Variants in LRRC4C observed in about 807,000 individuals in gnomAD.
The protein encoded by LRRC4C is leucine rich repeat containing 4C.
Under a neutral mutation model 33.6 loss-of-function variants are expected in LRRC4C, and 5 were observed. The ratio of observed to expected loss-of-function variants is 0.15; its 90% CI spans 0.08 to 0.31. The LOEUF (loss-of-function observed/expected upper bound fraction) is 0.31. Ranked by LOEUF, LRRC4C falls within the 10% of genes least tolerant of loss-of-function variation. The pLI is 1.00. For synonymous variants in LRRC4C, 329 were observed against 302.0 expected (o/e 1.09, Z -0.93); for missense variants, 560 against 796.7 (o/e 0.70, Z 3.58).
chr11:40,738,274 T>C (rs1947985707), intron 2 of LRRC4C, among the ~76,000 whole-genome samples: 1 of 152,078 alleles, frequency 6.6e-6, no homozygotes, highest in South Asian at 2.1e-4. Flanking sequence ...TTCTGAGGCT[T>C]TCAGACTTGG....
At chr11:40,778,322 A>C (rs1198860790) in intron 2 of LRRC4C, among the ~76,000 whole-genome samples, 1 of 152,220 alleles carries the variant, frequency 6.6e-6, no homozygotes, top group Non-Finnish European at 1.5e-5. Flanking sequence ...GGCTAAGCAC[A>C]GATTCACTTA....
Position 41,015,518 on chromosome 11 carries a change from T to C in LRRC4C, c.-495-81795A>G, listed in dbSNP as rs531005362. Among the ~76,000 whole-genome samples the C allele has an allele frequency of 1.1e-4, 16 of 152,168 alleles. No individual in the cohort carries two copies. In the East Asian group the frequency reaches 2.7e-3, roughly 26 times the overall value. On this transcript the variant is annotated intron_variant, in intron 1 of 6. Coordinates refer to ENST00000528697, the MANE Select transcript of LRRC4C (RefSeq NM_001258419.2). ...TAGGAGACACAGGGTTTCACCATGT[T>C]GGTCAGTCTGGTTTTGAACTCCTGA...
Position 40,871,991 on chromosome 11 carries a change from C to T in LRRC4C, c.-407+61644G>A, listed in dbSNP as rs372119945. ...TTTCCCAGAAATGCCTGGGAGAACACAAGGACTGGTTTCTAGTGCCAGAGC... is the reference window on the plus strand; with the variant it reads ...TTTCCCAGAAATGCCTGGGAGAACATAAGGACTGGTTTCTAGTGCCAGAGC... On this transcript the variant is annotated intron_variant, in intron 2 of 6. Transcript: ENST00000528697. 1.4e-4 allele frequency among the ~76,000 whole-genome samples: 21 copies of T among 152,212 alleles called. No individual in the cohort carries two copies. The East Asian group carries it at 2.9e-3, about 21-fold the overall frequency.
chr11:40,538,337 G>A (rs369947896), intron 3 of LRRC4C, among the ~76,000 whole-genome samples: 1 of 151,706 alleles, frequency 6.6e-6, no homozygotes, highest in Non-Finnish European at 1.5e-5. Flanking sequence ...TTCTGTCCAA[G>A]TGTTCTTATT....
chr11:40,545,124 A>T lies in LRRC4C; in HGVS notation c.-270+103018T>A, dbSNP rs142665727. Among the ~76,000 whole-genome samples the T allele has an allele frequency of 9.2e-4, 140 of 152,136 alleles. 1 individual carries two copies. Among genetic ancestry groups the T allele is most frequent in the African/African-American group, 3.3e-3 (137 of 41,522 alleles). Reference sequence around the variant, plus strand: ...TCCCATCATCACCCAAGCAAAAAACATCAATTTCTCTCCCATATTTTCACA... The same window carrying T: ...TCCCATCATCACCCAAGCAAAAAACTTCAATTTCTCTCCCATATTTTCACA... On this transcript the variant is annotated intron_variant, in intron 3 of 6. Coordinates refer to ENST00000528697, the MANE Select transcript of LRRC4C (RefSeq NM_001258419.2).
At chr11:40,945,345 T>C (rs1365099812) in intron 1 of LRRC4C, among the ~76,000 whole-genome samples, 1 of 152,114 alleles carries the variant, frequency 6.6e-6, no homozygotes, top group Non-Finnish European at 1.5e-5. Context: ...TCTTCTCTCC[T>C]GGCCAAACCC....
intron 1 of LRRC4C, among the ~76,000 whole-genome samples, chr11:41,218,491 G>A (rs748783385): frequency 2.0e-5 from 3 of 152,174 alleles, no homozygotes; most frequent in Admixed American, 6.6e-5. Flanking sequence ...TCTGGCAACC[G>A]CCTGAGCTAA....
chr11:40,583,459 C>T (rs879546226), intron 3 of LRRC4C, among the ~76,000 whole-genome samples: 16 of 152,184 alleles, frequency 1.1e-4, no homozygotes, highest in Non-Finnish European at 1.9e-4. Flanking sequence ...CATTTTGCTC[C>T]AATCTTCACA....
intron 1 of LRRC4C, among the ~76,000 whole-genome samples, chr11:40,948,787 T>C (rs1958548516): frequency 6.6e-6 from 1 of 150,848 alleles, no homozygotes; most frequent in East Asian, 2.0e-4. Flanking sequence ...TTTGGGTTGG[T>C]TCCAAGTCTT....
intron 3 of LRRC4C, among the ~76,000 whole-genome samples, chr11:40,377,484 A>G (rs574515934): frequency 6.6e-6 from 1 of 152,202 alleles, no homozygotes; most frequent in East Asian, 1.9e-4. Context: ...CACATACGTA[A>G]TGTTTCTCTT....
chr11:40,169,433 G>T (rs570538596), intron 5 of LRRC4C, among the ~76,000 whole-genome samples: 1 of 152,206 alleles, frequency 6.6e-6, no homozygotes, highest in South Asian at 2.1e-4. Flanking sequence ...TATTTTTGGG[G>T]TAGAGAGTGA....
intron 1 of LRRC4C, among the ~76,000 whole-genome samples, chr11:41,249,154 C>T (rs1416617285): frequency 2.6e-5 from 4 of 151,992 alleles, no homozygotes; most frequent in African/African-American, 7.3e-5. Flanking sequence ...CCTGCCTCAG[C>T]CTCCCGAGTA....
intron 3 of LRRC4C, among the ~76,000 whole-genome samples, chr11:40,323,627 G>A (rs1389328284): frequency 6.6e-6 from 1 of 152,214 alleles, no homozygotes; most frequent in Non-Finnish European, 1.5e-5. Flanking sequence ...GTTTGCCACA[G>A]ATTATTCTCA....
Position 40,116,287 on chromosome 11 carries a change from C to T in LRRC4C, c.6G>A (p.Leu2=), listed in dbSNP as rs1180298158. The T allele has an allele frequency of 6.9e-6, 11 of 1,586,636 alleles. No homozygotes were observed. The highest frequency in any genetic ancestry group is 3.5e-5 in the Admixed American group (2 of 57,412). M[L]NKMTLHPQQI... is the part of the protein sequence containing the mutation. ...GCTGTGGATGTAAGGTCATCTTGTTCAACATTCATAATTTATCTGGTGTTG... is the reference window on the plus strand; with the variant it reads ...GCTGTGGATGTAAGGTCATCTTGTTTAACATTCATAATTTATCTGGTGTTG... Residue 2 remains leucine, a synonymous_variant, in exon 7 of 7, where the codon TTG becomes TTA. Coordinates refer to ENST00000528697, the MANE Select transcript of LRRC4C (RefSeq NM_001258419.2).
rs183774284 is a variant in LRRC4C at position 40,818,421 on chromosome 11, G to T, written c.-407+115214C>A. 1.8e-3 allele frequency among the ~76,000 whole-genome samples: 271 copies of T among 152,094 alleles called. 1 individual carries two copies. The highest frequency in any genetic ancestry group is 3.1e-3 in the Admixed American group (48 of 15,254). ...TTGGTATATCTTGCAACACTAAATT[G>T]CTAAATATATCAAATAAGCTCTGGT... On this transcript the variant is annotated intron_variant, in intron 2 of 6. Transcript: ENST00000528697.
At chr11:40,412,517 A>G (rs537070912) in intron 3 of LRRC4C, among the ~76,000 whole-genome samples, 2 of 152,238 alleles carry the variant, frequency 1.3e-5, no homozygotes, top group East Asian at 3.9e-4. Flanking sequence ...TTCTGGATGA[A>G]CAACAAATGC....
chr11:40,980,487 T>A (rs982478460), intron 1 of LRRC4C, among the ~76,000 whole-genome samples: 6 of 152,212 alleles, frequency 3.9e-5, no homozygotes, highest in South Asian at 2.1e-4. Context: ...CCTAGCATAG[T>A]CTGCACTATA....
At chr11:40,721,595 T>C (rs570573064) in intron 2 of LRRC4C, among the ~76,000 whole-genome samples, 57 of 152,342 alleles carry the variant, frequency 3.7e-4, no homozygotes, top group African/African-American at 1.3e-3. Flanking sequence ...GTTGGGTAGA[T>C]ACCCAATAAT....
intron 3 of LRRC4C, among the ~76,000 whole-genome samples, chr11:40,567,895 T>G (rs1957829404): frequency 6.6e-6 from 1 of 152,210 alleles, no homozygotes; most frequent in South Asian, 2.1e-4. Context: ...TAGTTTCTCA[T>G]GAAATCCCCC....
Sources: allele counts gnomAD v4.1 joint callset (sites outside exome capture counted in the v4.1 genomes callset), GRCh38; gene constraint gnomAD v4.1.1; transcripts MANE v1.5; gene names NCBI Gene and HGNC (gene_info 2026-07-23, HGNC 2026-07-21).